The following CRADD variants were observed in gnomAD, a reference collection of about 807,000 sequenced individuals.
CRADD encodes death domain-containing protein CRADD.
In CRADD, 9 loss-of-function variants were observed where a neutral mutation model predicts 15.5. The observed-to-expected ratio is 0.58, with a 90% CI of 0.35 to 1.01. The LOEUF (loss-of-function observed/expected upper bound fraction) is 1.01. Ranked by LOEUF, CRADD falls within the 50% of genes least tolerant of loss-of-function variation. The probability of loss-of-function intolerance (pLI) is 0.02; values close to 1 mark genes in which losing one functional copy is unlikely to be tolerated. For synonymous variants in CRADD, 118 were observed against 107.6 expected (o/e 1.10, Z -0.60); for missense variants, 227 against 250.3 (o/e 0.91, Z 0.63).
intron 2 of CRADD, among the ~76,000 whole-genome samples, chr12:93,870,662 AG>A (rs1958410862): frequency 6.6e-6 from 1 of 152,164 alleles, no homozygotes; most frequent in African/African-American, 2.4e-5. Flanking sequence ...CATAGGGTGG[AG>A]GTTTCAGGCT....
At chr12:93,740,759 A>G (rs1956653634) in intron 2 of CRADD, among the ~76,000 whole-genome samples, 1 of 152,218 alleles carries the variant, frequency 6.6e-6, no homozygotes, top group Admixed American at 6.5e-5. Flanking sequence ...CAGTCTAGTT[A>G]TTGTTTGTGT....
intron 2 of CRADD, among the ~76,000 whole-genome samples, chr12:93,838,704 A>G (rs568681945): frequency 2.0e-5 from 3 of 151,706 alleles, no homozygotes; most frequent in East Asian, 3.9e-4. Context: ...ATTCTGACTG[A>G]TATGTATTCC....
chr12:93,758,700 T>C (rs10745660), intron 2 of CRADD, among the ~76,000 whole-genome samples: 61,520 of 151,906 alleles, frequency 0.4, 13,520 homozygotes, highest in East Asian at 0.8. Context: ...TGCTTTGTTA[T>C]TAGCTTGATT....
chr12:93,683,116 G>GC (rs775107154), intron 2 of CRADD, among the ~76,000 whole-genome samples: 12 of 152,172 alleles, frequency 7.9e-5, no homozygotes, highest in Admixed American at 2.0e-4. Context: ...TGCTCATGGG[G>GC]CCTGTCGGCA....
chr12:93,684,488 C>T (rs1415422745), intron 2 of CRADD, among the ~76,000 whole-genome samples: 2 of 152,108 alleles, frequency 1.3e-5, no homozygotes, highest in African/African-American at 4.8e-5. Context: ...TCCTGCTCTG[C>T]GATCCGGTTC....
At chr12:93,723,022 G>A (rs1956292327) in intron 2 of CRADD, among the ~76,000 whole-genome samples, 1 of 152,154 alleles carries the variant, frequency 6.6e-6, no homozygotes, top group South Asian at 2.1e-4. Flanking sequence ...TTTGGCATAG[G>A]AAAGTTATGG....
chr12:93,797,764 C>G (rs919528760), intron 2 of CRADD, among the ~76,000 whole-genome samples: 2 of 152,044 alleles, frequency 1.3e-5, no homozygotes, highest in Non-Finnish European at 2.9e-5. Flanking sequence ...TATAACAATG[C>G]ATAATTATAT....
Position 93,738,445 on chromosome 12 carries a change from CTG to C in CRADD, c.298+59375_298+59376del, listed in dbSNP as rs751030039. On this transcript the variant is annotated intron_variant, in intron 2 of 2. Coordinates refer to ENST00000332896, the MANE Select transcript of CRADD (RefSeq NM_003805.5). The stretch of plus-strand genomic sequence containing the variant: ...TCCTAGAGAATTGAGCCTGCCCACT[CTG>C]TTATGAAGTCTACCCAGAAGAGCTG... 1.7e-5 allele frequency: 12 copies of C among 702,384 alleles called. No individual in the cohort carries two copies. In the South Asian group the frequency reaches 1.8e-4, roughly 10 times the overall value. 43.5% of individuals were successfully genotyped at this position (702,384 alleles called of 1,614,324 possible).
intron 2 of CRADD, among the ~76,000 whole-genome samples, chr12:93,801,800 A>C (rs1477953673): frequency 1.3e-5 from 2 of 152,108 alleles, no homozygotes; most frequent in Admixed American, 6.5e-5. Context: ...TGCACCCGTC[A>C]CTTGAGCAGG....
At chr12:93,817,329 T>A (rs1957714871) in intron 2 of CRADD, among the ~76,000 whole-genome samples, 1 of 152,216 alleles carries the variant, frequency 6.6e-6, no homozygotes, top group Non-Finnish European at 1.5e-5. Flanking sequence ...GCTTGTGTTG[T>A]GGAGTCGGGT....
At position 93,769,333 on chromosome 12, in the gene CRADD, C is replaced by T. The variant is rs1419212454; in HGVS notation, c.299-80637C>T. Among the ~76,000 whole-genome samples, 4 of 152,178 alleles carry T rather than the reference C, an allele frequency of 2.6e-5. 1 individual carries two copies. The highest frequency in any genetic ancestry group is 1.5e-5 in the Non-Finnish European group (1 of 68,036). On this transcript the variant is annotated intron_variant, in intron 2 of 2. Coordinates refer to ENST00000332896, the MANE Select transcript of CRADD (RefSeq NM_003805.5). ...TTCTGGGCTCAAGTGATCCACTCGC[C>T]CCGCCCTCCCAAAATGCTGAGATTA...
chr12:93,870,678 T>A (rs1172636264), intron 2 of CRADD, among the ~76,000 whole-genome samples: 1 of 152,146 alleles, frequency 6.6e-6, no homozygotes, highest in Admixed American at 6.5e-5. Flanking sequence ...CAGGCTGAGA[T>A]GGGCAAGCCA....
At chr12:93,882,187 C>T (rs1402801145) in intron 2 of CRADD, among the ~76,000 whole-genome samples, 6 of 151,730 alleles carry the variant, frequency 4.0e-5, no homozygotes, top group African/African-American at 9.7e-5. Flanking sequence ...TTTGGGAGGC[C>T]GAGGTGGGTG....
intron 2 of CRADD, among the ~76,000 whole-genome samples, chr12:93,712,496 A>T (rs1956092078): frequency 6.6e-6 from 1 of 152,242 alleles, no homozygotes; most frequent in African/African-American, 2.4e-5. Flanking sequence ...TGAACAGGCC[A>T]GAAAAAACAT....
At chr12:93,751,788 C>G (rs1269800996) in intron 2 of CRADD, among the ~76,000 whole-genome samples, 1 of 152,198 alleles carries the variant, frequency 6.6e-6, no homozygotes, top group African/African-American at 2.4e-5. Flanking sequence ...CACTTGAACC[C>G]AGGAGAAGGC....
intron 2 of CRADD, among the ~76,000 whole-genome samples, chr12:93,704,777 A>G (rs1038349074): frequency 6.6e-6 from 1 of 152,002 alleles, no homozygotes; most frequent in Non-Finnish European, 1.5e-5. Flanking sequence ...AGTCACATCT[A>G]CCATTCCCTG....
chr12:93,851,833 C>G (rs930417542), downstream of CRADD, among the ~76,000 whole-genome samples: 4 of 152,130 alleles, frequency 2.6e-5, no homozygotes, highest in Non-Finnish European at 5.9e-5. Flanking sequence ...TTATTTCTCT[C>G]CATTCCAAGA....
At chr12:93,717,043 T>G (rs1956174921) in intron 2 of CRADD, among the ~76,000 whole-genome samples, 1 of 152,242 alleles carries the variant, frequency 6.6e-6, no homozygotes, top group Non-Finnish European at 1.5e-5. Flanking sequence ...GCATTTGGTG[T>G]TGTCAGAGTT....
At chr12:93,843,031 T>A (rs1230159150) in intron 2 of CRADD, among the ~76,000 whole-genome samples, 2 of 152,212 alleles carry the variant, frequency 1.3e-5, no homozygotes, top group Non-Finnish European at 2.9e-5. Context: ...GGAGTTAAAT[T>A]CCCATTTGGG....
Sources: gnomAD v4.1 joint callset for allele counts (sites outside exome capture counted in the v4.1 genomes callset) on GRCh38, gnomAD v4.1.1 for gene constraint, MANE v1.5 for transcripts, NCBI Gene and HGNC (gene_info 2026-07-23, HGNC 2026-07-21) for gene names.